Variants in ZNF385D observed in about 807,000 individuals in gnomAD.
ZNF385D encodes the protein zinc finger protein 659.
Under a neutral mutation model 35.8 loss-of-function variants are expected in ZNF385D, and 15 were observed. That is an observed-to-expected ratio of 0.42 (90% CI 0.28 to 0.64). The LOEUF (loss-of-function observed/expected upper bound fraction) is 0.64. Among genes scored for constraint, ZNF385D ranks in the 30% least tolerant of loss-of-function variants. ZNF385D has a pLI of 0.23. For missense variants in ZNF385D, 474 were observed against 494.6 expected (o/e 0.96, Z 0.39); for synonymous variants, 212 against 186.8 (o/e 1.13, Z -1.10).
intron 4 of ZNF385D, among the ~76,000 whole-genome samples, chr3:21,499,761 C>A (rs948917913): frequency 1.3e-5 from 2 of 152,080 alleles, no homozygotes; most frequent in Non-Finnish European, 2.9e-5. Context: ...CAGGCATCAG[C>A]TATTAGTTTG....
intron 2 of ZNF385D, among the ~76,000 whole-genome samples, chr3:22,203,437 G>A (rs569820750): frequency 3.3e-5 from 5 of 152,126 alleles, no homozygotes; most frequent in Non-Finnish European, 5.9e-5. Context: ...AGTTGTGGTG[G>A]CTACAAGGAG....
intron 2 of ZNF385D, among the ~76,000 whole-genome samples, chr3:21,610,814 G>A (rs1339419366): frequency 6.6e-6 from 1 of 151,892 alleles, no homozygotes; most frequent in Non-Finnish European, 1.5e-5. Flanking sequence ...TTATTTCACG[G>A]TTGCTGTGGC....
At chr3:21,475,996 T>G (rs1704218577) in intron 4 of ZNF385D, among the ~76,000 whole-genome samples, 1 of 152,084 alleles carries the variant, frequency 6.6e-6, no homozygotes, top group African/African-American at 2.4e-5. Flanking sequence ...ATAAGAATAT[T>G]GCTTTCTCAG....
intron 3 of ZNF385D, among the ~76,000 whole-genome samples, chr3:21,941,701 A>G (rs4525890): frequency 0.26 from 39,111 of 151,158 alleles, 5,774 homozygotes; most frequent in Admixed American, 0.41. Context: ...GTTTCACCGT[A>G]TTAGCTAGGA....
intron 1 of ZNF385D, among the ~76,000 whole-genome samples, chr3:21,744,862 A>T (rs534588622): frequency 1.2e-3 from 167 of 144,220 alleles, no homozygotes; most frequent in African/African-American, 2.2e-3. Flanking sequence ...AAAATAAAAA[A>T]AATAATAATA....
intron 3 of ZNF385D, among the ~76,000 whole-genome samples, chr3:21,516,130 C>T (rs953720475): frequency 6.6e-6 from 1 of 152,172 alleles, no homozygotes; most frequent in Non-Finnish European, 1.5e-5. Context: ...ATTCTCTAGT[C>T]CCCTGCCCAC....
intron 2 of ZNF385D, among the ~76,000 whole-genome samples, chr3:22,270,287 A>C (rs987495047): frequency 6.6e-6 from 1 of 151,926 alleles, no homozygotes; most frequent in Non-Finnish European, 1.5e-5. Context: ...GATTTCTATA[A>C]CCAGGGGCTT....
intron 3 of ZNF385D, among the ~76,000 whole-genome samples, chr3:21,526,642 CAGAT>C (rs942899256): frequency 3.3e-5 from 5 of 152,100 alleles, no homozygotes; most frequent in African/African-American, 9.7e-5. Flanking sequence ...GCTGCTATAA[CAGAT>C]AGGAGGGTGT....
intron 3 of ZNF385D, among the ~76,000 whole-genome samples, chr3:21,547,073 C>T (rs971965842): frequency 6.6e-6 from 1 of 152,096 alleles, no homozygotes; most frequent in Non-Finnish European, 1.5e-5. Context: ...TGCTGAAACC[C>T]TGGGACTCCT....
At chr3:22,163,678 C>A (rs1706119083) in intron 3 of ZNF385D, among the ~76,000 whole-genome samples, 1 of 152,118 alleles carries the variant, frequency 6.6e-6, no homozygotes, top group East Asian at 1.9e-4. Context: ...ATTTTATTTG[C>A]ATCCTGAAAA....
intron 2 of ZNF385D, among the ~76,000 whole-genome samples, chr3:22,254,089 T>C (rs1700192533): frequency 6.6e-6 from 1 of 151,860 alleles, no homozygotes; most frequent in Non-Finnish European, 1.5e-5. Context: ...ATTTGCACAG[T>C]GTAAAACCTA....
chr3:21,486,563 GCAA>G, intron 4 of ZNF385D, among the ~76,000 whole-genome samples: 1 of 152,220 alleles, frequency 6.6e-6, no homozygotes, highest in Non-Finnish European at 1.5e-5. Context: ...TTGTGGTTTT[GCAA>G]CAACAAACAT....
chr3:22,057,512 T>G (rs990304201), intron 3 of ZNF385D, among the ~76,000 whole-genome samples: 1 of 124,650 alleles, frequency 8.0e-6, no homozygotes, highest in Middle Eastern at 4.3e-3. Context: ...TCTTTTAAAG[T>G]ATTTTTTTTT....
At chr3:21,483,640 T>C (rs368258255) in intron 4 of ZNF385D, among the ~76,000 whole-genome samples, 2 of 152,174 alleles carry the variant, frequency 1.3e-5, no homozygotes, top group African/African-American at 4.8e-5. Context: ...TATCTTATAA[T>C]GTGCTGATTT....
intron 6 of ZNF385D, 86 bp downstream of exon 6, chr3:21,425,402 AAGAC>A (rs1042951400): frequency 3.7e-6 from 5 of 1,365,422 alleles, no homozygotes; most frequent in African/African-American, 1.5e-5. Context: ...ATGGGACAGA[AAGAC>A]AGAAATAAAA....
At chr3:21,862,341 A>G (rs1000873849) in intron 3 of ZNF385D, among the ~76,000 whole-genome samples, 12 of 151,378 alleles carry the variant, frequency 7.9e-5, no homozygotes, top group Non-Finnish European at 4.4e-5. Flanking sequence ...TGCAGTAAGT[A>G]TAACACCTTT....
intron 3 of ZNF385D, among the ~76,000 whole-genome samples, chr3:21,942,940 T>C (rs1022022091): frequency 6.6e-6 from 1 of 152,172 alleles, no homozygotes; most frequent in African/African-American, 2.4e-5. Flanking sequence ...TATTTTGCCT[T>C]GTAAGATGTT....
intron 2 of ZNF385D, among the ~76,000 whole-genome samples, chr3:22,214,444 CAA>C (rs1263030892): frequency 6.6e-6 from 1 of 152,058 alleles, no homozygotes; most frequent in African/African-American, 2.4e-5. Context: ...GTTCAGGGAA[CAA>C]GAGAGATAAC....
chr3:22,112,144 T>G (rs1350959816), intron 3 of ZNF385D, among the ~76,000 whole-genome samples: 2 of 152,082 alleles, frequency 1.3e-5, no homozygotes, highest in East Asian at 3.9e-4. Flanking sequence ...AAAGTGTCAG[T>G]TTTTTAAAAC....
Sources: gnomAD v4.1 joint callset for allele counts (sites outside exome capture counted in the v4.1 genomes callset) on GRCh38, gnomAD v4.1.1 for gene constraint, MANE v1.5 for transcripts, NCBI Gene and HGNC (gene_info 2026-07-23, HGNC 2026-07-21) for gene names.